Variants in FBXW12 observed in about 807,000 individuals in gnomAD.
FBXW12 encodes the protein F-box and WD repeat domain containing 12.
Under a neutral mutation model 55.3 loss-of-function variants are expected in FBXW12, and 43 were observed. That is an observed-to-expected ratio of 0.78 (90% CI 0.61 to 1.00). The LOEUF is 1.00. Among genes scored for constraint, FBXW12 ranks in the 50% least tolerant of loss-of-function variants. The pLI is 0.00. For synonymous variants in FBXW12, 184 were observed against 203.8 expected (o/e 0.90, Z 0.83); for missense variants, 524 against 560.5 (o/e 0.93, Z 0.66).
chr3:48,375,581 A>C, intron 5 of FBXW12, 109 bp downstream of exon 5: 3 of 669,780 alleles, frequency 4.5e-6, no homozygotes, highest in Middle Eastern at 5.0e-4. Flanking sequence ...TAACAAAAAC[A>C]AAGTGTCAAA....
chr3:48,378,844 C>T (rs1216482673), intron 6 of FBXW12, among the ~76,000 whole-genome samples: 1 of 152,020 alleles, frequency 6.6e-6, no homozygotes, highest in East Asian at 1.9e-4. Context: ...CGTGATCTGC[C>T]CACCTCAGCC....
intron 6 of FBXW12, 62 bp downstream of exon 6, chr3:48,378,588 T>G: frequency 7.9e-7 from 1 of 1,263,360 alleles, no homozygotes; most frequent in Admixed American, 1.8e-5. Context: ...TTGTCAGGCA[T>G]CCGTGTCACA....
intron 10 of FBXW12, among the ~76,000 whole-genome samples, chr3:48,391,474 C>A (rs539771222): frequency 2.4e-4 from 36 of 152,138 alleles, no homozygotes; most frequent in Admixed American, 1.8e-3. Context: ...CTAGGACTTC[C>A]TAGCTAGAGC....
chr3:48,378,088 C>T (rs1030380893), intron 5 of FBXW12, among the ~76,000 whole-genome samples: 2 of 152,142 alleles, frequency 1.3e-5, no homozygotes, highest in African/African-American at 4.8e-5. Flanking sequence ...GAAGTCTGAT[C>T]ATTCTTTGCG....
intron 2 of FBXW12, 76 bp from the exon 3 acceptor site, chr3:48,373,232 C>T (rs1231829314): frequency 4.4e-6 from 7 of 1,608,342 alleles, no homozygotes; most frequent in Non-Finnish European, 6.0e-6. Flanking sequence ...GCTCCCAGAA[C>T]AAATAATAGC....
Position 48,372,920 on chromosome 3 carries a change from C to T in FBXW12, c.90+63C>T, listed in dbSNP as rs995410776. ...CTGCTTCTCTCGACCAGTTTGAGCA[C>T]CACTTTGCAGAATAGCAGAGGGTTA... On this transcript the variant is annotated intron_variant, in intron 2 of 10. Coordinates refer to ENST00000296438, the MANE Select transcript of FBXW12 (RefSeq NM_207102.2). The T allele has an allele frequency of 7.5e-6, 11 of 1,463,104 alleles. No individual in the cohort carries two copies. In the Admixed American group the frequency reaches 1.7e-4, roughly 22 times the overall value. 90.6% of individuals were successfully genotyped at this position (1,463,104 alleles called of 1,614,324 possible).
intron 10 of FBXW12, among the ~76,000 whole-genome samples, chr3:48,386,941 C>CT (rs34140121): frequency 0.5 from 70,655 of 141,988 alleles, 17,670 homozygotes; most frequent in South Asian, 0.66. Flanking sequence ...TCTTCTTCTT[C>CT]TTTTTTTTTT....
At chr3:48,391,317 TACACACACAC>T (rs140067012) in intron 10 of FBXW12, among the ~76,000 whole-genome samples, 81 of 133,182 alleles carry the variant, frequency 6.1e-4, no homozygotes, top group Admixed American at 2.8e-3. Flanking sequence ...TATCTATCTA[TACACACACAC>T]ACACACACAC....
chr3:48,379,707 G>C (rs939450545), intron 7 of FBXW12, 149 bp downstream of exon 7: 1 of 644,398 alleles, frequency 1.6e-6, no homozygotes, highest in Admixed American at 2.7e-5. Flanking sequence ...TGATGGTCAG[G>C]AAACAATGCT....
At chr3:48,374,376 G>A (rs2036651982) in intron 4 of FBXW12, among the ~76,000 whole-genome samples, 1 of 149,156 alleles carries the variant, frequency 6.7e-6, no homozygotes, top group South Asian at 2.1e-4. Context: ...CATCTAGGCT[G>A]GAGTGCAATG....
At chr3:48,373,425 T>C in intron 3 of FBXW12, 80 bp downstream of exon 3, 1 of 1,611,828 alleles carries the variant, frequency 6.2e-7, no homozygotes, top group Non-Finnish European at 8.5e-7. Flanking sequence ...CCAAGGCCTG[T>C]GTGGCTGTGT....
chr3:48,383,060 G>A (rs377410066), intron 10 of FBXW12, among the ~76,000 whole-genome samples: 1 of 152,170 alleles, frequency 6.6e-6, no homozygotes, highest in Non-Finnish European at 1.5e-5. Context: ...GAAGTATCAG[G>A]CAGCTGTTAT....
At position 48,380,720 on chromosome 3, in the gene FBXW12, T is replaced by G. The variant is rs1415513343; in HGVS notation, c.793T>G (p.Leu265Val). ...TCTTTAGGTATTCCTCACAGAGTCC[T>G]TACTGAGACCATCAGAAGGCAGTGT... ...TLPQVFLTES[L>V]LRPSEGSVPL... The change falls in exon 8 of 11, where the codon TTA (leucine) becomes GTA (valine). Residue 265 changes from leucine to valine, a missense_variant. Leu to Val is a conservative substitution (Grantham distance 32). Transcript: ENST00000296438. 1 of 1,613,864 alleles carries G rather than the reference T, an allele frequency of 6.2e-7. No homozygotes were observed. The highest frequency in any genetic ancestry group is 2.2e-5 in the East Asian group (1 of 44,874).
intron 10 of FBXW12, among the ~76,000 whole-genome samples, chr3:48,391,739 G>A (rs958639821): frequency 3.3e-5 from 5 of 152,154 alleles, no homozygotes; most frequent in Admixed American, 2.0e-4. Flanking sequence ...TGTCTATTGA[G>A]ATGATCATAT....
In FBXW12 at chr3:48,390,449, C is replaced by G. The variant is rs180947041; in HGVS notation, c.1296-4111C>G. Among the ~76,000 whole-genome samples, 41 of 107,610 alleles carry G rather than the reference C, an allele frequency of 3.8e-4. No individual in the cohort carries two copies. The East Asian group carries it at 0.013, about 33-fold the overall frequency. The allele number at this position is 107,610 out of a possible 152,430, so 70.6% of individuals were successfully genotyped here. A position where few individuals can be genotyped will look rare whatever the true frequency, so the allele number is the denominator to read the frequency against. ...TTTTTTTTTGAGGCAGAGTCTTACT[C>G]TGTTGCCCAGGCTGGAGTGCAGTGG... is the stretch of plus-strand genomic sequence containing the variant. On this transcript the variant is annotated intron_variant, in intron 10 of 10. Coordinates refer to ENST00000296438, the MANE Select transcript of FBXW12 (RefSeq NM_207102.2).
At chr3:48,388,889 T>C (rs1246912644) in intron 10 of FBXW12, among the ~76,000 whole-genome samples, 1 of 152,240 alleles carries the variant, frequency 6.6e-6, no homozygotes, top group Non-Finnish European at 1.5e-5. Context: ...AAAATTTCTT[T>C]GAGCTATTCT....
chr3:48,387,858 C>T (rs573168921), intron 10 of FBXW12, among the ~76,000 whole-genome samples: 23 of 152,212 alleles, frequency 1.5e-4, no homozygotes, highest in Admixed American at 2.6e-4. Context: ...AGTCACTGTG[C>T]CTGACATTTA....
In FBXW12 at chr3:48,373,331, T is replaced by G. The variant is rs1285875270; in HGVS notation, c.114T>G (p.Ser38Arg). ...VNKHWNRIADSDYLWRSLSLQ... is the reference protein window; with the variant it reads ...VNKHWNRIADRDYLWRSLSLQ... Reference sequence around the variant, plus strand: ...AGCATTGGAATAGGATTGCAGACAGTGATTACCTGTGGAGGTAAGGGAAGG... The same window carrying G: ...AGCATTGGAATAGGATTGCAGACAGGGATTACCTGTGGAGGTAAGGGAAGG... The change falls in exon 3 of 11, where the codon AGT becomes AGG. Residue 38 changes from serine (S) to arginine (R), a missense_variant. Transcript: ENST00000296438. 1 of 1,613,968 alleles carries G rather than the reference T, an allele frequency of 6.2e-7. No individual in the cohort carries two copies. The highest frequency in any genetic ancestry group is 2.2e-5 in the East Asian group (1 of 44,876).
intron 10 of FBXW12, among the ~76,000 whole-genome samples, chr3:48,389,560 G>C (rs1015457158): frequency 2.0e-5 from 3 of 152,122 alleles, no homozygotes; most frequent in African/African-American, 7.2e-5. Context: ...ATTTTTAGTA[G>C]AGACAGGGTT....
Sources: gnomAD v4.1 joint callset for allele counts (sites outside exome capture counted in the v4.1 genomes callset) on GRCh38, gnomAD v4.1.1 for gene constraint, MANE v1.5 for transcripts, NCBI Gene and HGNC (gene_info 2026-07-23, HGNC 2026-07-21) for gene names.